Variants in GALNT1 observed in about 807,000 individuals in gnomAD.
GALNT1 encodes the protein polypeptide N-acetylgalactosaminyltransferase 1, also known as GalNAc transferase 1.
GALNT1 carries 17 observed loss-of-function variants against 65.7 expected under a neutral mutation model. The observed-to-expected ratio is 0.26, with a 90% CI of 0.18 to 0.39. The LOEUF (loss-of-function observed/expected upper bound fraction) is 0.39, where lower values mean the gene tolerates loss of function less well. Among genes scored for constraint, GALNT1 ranks in the 10% least tolerant of loss-of-function variants. The pLI is 1.00. For synonymous variants in GALNT1, 210 were observed against 219.7 expected (o/e 0.96, Z 0.39); for missense variants, 460 against 672.8 (o/e 0.68, Z 3.50).
intron 1 of GALNT1, among the ~76,000 whole-genome samples, chr18:35,640,229 C>T (rs2047143563): frequency 6.6e-6 from 1 of 152,274 alleles, no homozygotes; most frequent in Admixed American, 6.5e-5. Context: ...ACAAGGATGC[C>T]TGTTGTTACC....
chr18:35,670,696 G>T (rs927410399), intron 3 of GALNT1, among the ~76,000 whole-genome samples: 21 of 152,160 alleles, frequency 1.4e-4, no homozygotes, highest in Non-Finnish European at 2.6e-4. Flanking sequence ...CATTCTTATA[G>T]AATTATTAAG....
intron 1 of GALNT1, among the ~76,000 whole-genome samples, chr18:35,600,454 A>G (rs1033819702): frequency 2.4e-4 from 37 of 152,156 alleles, no homozygotes; most frequent in African/African-American, 8.9e-4. Context: ...ATATAATACC[A>G]TGTTGTTGCA....
At chr18:35,596,400 G>A (rs1471951753) in intron 1 of GALNT1, 1 of 152,188 alleles carries the variant, frequency 6.6e-6, no homozygotes, top group Admixed American at 6.5e-5. Flanking sequence ...ACTTCTGAAT[G>A]TTCTTTGCCT....
intron 9 of GALNT1, among the ~76,000 whole-genome samples, chr18:35,695,994 T>C (rs2048050006): frequency 6.6e-6 from 1 of 152,250 alleles, no homozygotes; most frequent in Non-Finnish European, 1.5e-5. Flanking sequence ...GAAACACTTG[T>C]CTGCTCCATG....
At chr18:35,665,224 A>G (rs1322850549) in intron 3 of GALNT1, among the ~76,000 whole-genome samples, 5 of 152,202 alleles carry the variant, frequency 3.3e-5, no homozygotes. Flanking sequence ...GAAATAACTA[A>G]TAACCTCAAC....
chr18:35,670,241 A>G (rs2047614855), intron 3 of GALNT1, among the ~76,000 whole-genome samples: 1 of 152,080 alleles, frequency 6.6e-6, no homozygotes, highest in South Asian at 2.1e-4. Context: ...GCAGTGAGCC[A>G]TGATTACACC....
chr18:35,663,538 C>T, intron 2 of GALNT1, 90 bp from the exon 3 acceptor site: 8 of 1,342,326 alleles, frequency 6.0e-6, no homozygotes, highest in Non-Finnish European at 8.1e-6. Flanking sequence ...TTGTTGAGGG[C>T]ACAGTTCAAA....
At chr18:35,648,078 G>A (rs1330660778) in intron 1 of GALNT1, among the ~76,000 whole-genome samples, 1 of 147,370 alleles carries the variant, frequency 6.8e-6, no homozygotes, top group African/African-American at 2.5e-5. Flanking sequence ...AAGGGAGGAA[G>A]TGAGGAAGGG....
intron 1 of GALNT1, among the ~76,000 whole-genome samples, chr18:35,582,671 C>A (rs1475059157): frequency 6.6e-6 from 1 of 152,190 alleles, no homozygotes; most frequent in African/African-American, 2.4e-5. Context: ...TTGATCATAT[C>A]TTATGTTTAA....
chr18:35,635,514 G>A (rs1053055369), intron 1 of GALNT1, among the ~76,000 whole-genome samples: 5 of 152,158 alleles, frequency 3.3e-5, no homozygotes, highest in Admixed American at 2.6e-4. Flanking sequence ...AGTTTGGCTA[G>A]GGTCATTGCC....
At chr18:35,622,250 ATAT>A (rs931750236) in intron 1 of GALNT1, among the ~76,000 whole-genome samples, 35 of 151,006 alleles carry the variant, frequency 2.3e-4, no homozygotes, top group South Asian at 8.4e-4. Flanking sequence ...TCTTTTTTTA[ATAT>A]TATTATTTTT....
At chr18:35,628,754 C>T (rs531251278) in intron 1 of GALNT1, among the ~76,000 whole-genome samples, 7 of 152,046 alleles carry the variant, frequency 4.6e-5, no homozygotes, top group East Asian at 3.9e-4. Context: ...AGGCTGCAGA[C>T]GATCAAACTT....
intron 3 of GALNT1, among the ~76,000 whole-genome samples, chr18:35,670,793 A>G (rs1484047407): frequency 6.6e-6 from 1 of 152,210 alleles, no homozygotes; most frequent in African/African-American, 2.4e-5. Context: ...TAGCGAGTTC[A>G]TGACCAGTTC....
At chr18:35,669,606 A>T (rs112149640) in intron 3 of GALNT1, among the ~76,000 whole-genome samples, 2,339 of 152,370 alleles carry the variant, frequency 0.015, 18 homozygotes, top group Admixed American at 0.022. Context: ...TAGATACAGG[A>T]AAAACATTTG....
intron 1 of GALNT1, among the ~76,000 whole-genome samples, chr18:35,593,769 C>T (rs961056932): frequency 2.6e-5 from 4 of 151,910 alleles, no homozygotes; most frequent in East Asian, 1.9e-4. Flanking sequence ...GGTACAGTGG[C>T]GCGATCTGGG....
intron 1 of GALNT1, among the ~76,000 whole-genome samples, chr18:35,607,753 C>T (rs2046669620): frequency 6.6e-6 from 1 of 152,136 alleles, no homozygotes; most frequent in Admixed American, 6.5e-5. Context: ...AAAGAACGGT[C>T]ATGCTACAGT....
intron 1 of GALNT1, among the ~76,000 whole-genome samples, chr18:35,626,964 G>A (rs2046926306): frequency 6.6e-6 from 1 of 152,216 alleles, no homozygotes; most frequent in Non-Finnish European, 1.5e-5. Flanking sequence ...ATTAGCTAGA[G>A]GAATAGAATG....
chr18:35,600,734 C>A (rs1012128774), intron 1 of GALNT1, among the ~76,000 whole-genome samples: 7 of 152,064 alleles, frequency 4.6e-5, no homozygotes, highest in African/African-American at 1.7e-4. Context: ...TGTGATGTGT[C>A]AAGTTTATTG....
rs184925962 is a variant in GALNT1, at chr18:35,625,407, A to G, written c.-103-29153A>G. 5.4e-4 allele frequency among the ~76,000 whole-genome samples: 82 copies of G among 152,346 alleles called. 1 individual carries two copies. The highest frequency in any genetic ancestry group is 1.9e-3 in the African/African-American group (81 of 41,580). ...CCTGAGAGCCAAGAGAAGAGGCTTT[A>G]TTTATAGCCTGCCTATTCTAAAAAT... On this transcript the variant is annotated intron_variant, in intron 1 of 11. Transcript: ENST00000269195.
Sources: gnomAD v4.1 joint callset for allele counts (sites outside exome capture counted in the v4.1 genomes callset) on GRCh38, gnomAD v4.1.1 for gene constraint, MANE v1.5 for transcripts, NCBI Gene and HGNC (gene_info 2026-07-23, HGNC 2026-07-21) for gene names.